The following OR5K1 variants were observed in gnomAD, a reference collection of about 807,000 sequenced individuals.
OR5K1 encodes the protein olfactory receptor 5K1.
A neutral mutation model predicts 10.4 loss-of-function variants in OR5K1; 7 were observed. The ratio of observed to expected loss-of-function variants is 0.67; its 90% CI spans 0.38 to 1.26. OR5K1 has a LOEUF of 1.26. OR5K1 is among the 50% of genes most tolerant of loss of function. The pLI is 0.02. For missense variants in OR5K1, 435 were observed against 366.2 expected (o/e 1.19, Z -1.53); for synonymous variants, 135 against 128.5 (o/e 1.05, Z -0.34).
chr3:98,468,353 A>C (rs1231412045), intron 1 of OR5K1, among the ~76,000 whole-genome samples: 1 of 152,128 alleles, frequency 6.6e-6, no homozygotes, highest in Non-Finnish European at 1.5e-5. Flanking sequence ...TTATCATCTT[A>C]GCCATATTTA....
intron 1 of OR5K1, among the ~76,000 whole-genome samples, chr3:98,468,692 AT>A (rs1286736180): frequency 5.3e-5 from 8 of 152,122 alleles, no homozygotes; most frequent in Admixed American, 2.6e-4. Context: ...CATTATATGT[AT>A]ATACCACCAT....
rs372270718 is a variant in OR5K1, at chr3:98,469,737, G to A, written c.161G>A (p.Arg54Gln). ...GTGGCACTGATATTTACACACCGTCGGCTTCACACACCAATGTACATCTTT... is the reference window on the plus strand; with the variant it reads ...GTGGCACTGATATTTACACACCGTCAGCTTCACACACCAATGTACATCTTT... Reference protein sequence around the residue: ...SLVALIFTHRRLHTPMYIFLG... With the variant: ...SLVALIFTHRQLHTPMYIFLG... Residue 54 changes from arginine to glutamine, a missense_variant, in exon 2 of 2, where the codon CGG becomes CAG. Coordinates refer to ENST00000642057, the MANE Select transcript of OR5K1 (RefSeq NM_001004736.4). 192 of 1,613,706 alleles carry A rather than the reference G, an allele frequency of 1.2e-4. 1 individual carries two copies. The South Asian group carries it at 1.4e-3, about 12-fold the overall frequency.
rs916863610 is a variant in OR5K1 at position 98,468,226 on chromosome 3, C to T, written c.-11-1340C>T. On this transcript the variant is annotated intron_variant, in intron 1 of 1. Transcript: ENST00000642057. ...AAATACCTTAAAAATAGCCTGCTTCCAAAGCATGTTATGTTTAAGTGTACA... is the reference window on the plus strand; with the variant it reads ...AAATACCTTAAAAATAGCCTGCTTCTAAAGCATGTTATGTTTAAGTGTACA... 2.5e-4 allele frequency among the ~76,000 whole-genome samples: 38 copies of T among 151,964 alleles called. 1 individual carries two copies. Among genetic ancestry groups the T allele is most frequent in the Middle Eastern group, 6.3e-3 (2 of 316 alleles).
intron 1 of OR5K1, among the ~76,000 whole-genome samples, chr3:98,469,288 G>A (rs1705412143): frequency 6.6e-6 from 1 of 152,052 alleles, no homozygotes; most frequent in Non-Finnish European, 1.5e-5. Flanking sequence ...ACTTGACAGT[G>A]GAGGGTGGAA....
At position 98,470,246 on chromosome 3, in the gene OR5K1, A is replaced by G. The variant is rs754033762; in HGVS notation, c.670A>G (p.Thr224Ala). The change falls in exon 2 of 2, where the codon ACT becomes GCT. Residue 224 changes from threonine (T) to alanine (A), a missense_variant. Physicochemically the swap from Thr to Ala is moderately conservative, Grantham distance 58. Coordinates refer to ENST00000642057, the MANE Select transcript of OR5K1 (RefSeq NM_001004736.4). ...AATATCTTATCTCTATATTCTTCTT[A>G]CTATTTTCAAAATGAAATCCAAAGA... ...VLISYLYILL[T>A]IFKMKSKEGR... The G allele has an allele frequency of 6.2e-7, 1 of 1,613,124 alleles. No homozygotes were observed. The highest frequency in any genetic ancestry group is 8.5e-7 in the Non-Finnish European group (1 of 1,179,466).
chr3:98,471,166 G>GT lies in OR5K1; in HGVS notation c.*667dup, dbSNP rs1225414518. 6.6e-6 allele frequency: 1 copy of GT among 151,964 alleles called. No homozygotes were observed. The highest frequency in any genetic ancestry group is 1.9e-4 in the East Asian group (1 of 5,176). 9.4% of individuals were successfully genotyped at this position (151,964 alleles called of 1,614,324 possible). A position where few individuals can be genotyped will look rare whatever the true frequency, so the allele number is the denominator to read the frequency against. On this transcript the variant is annotated 3_prime_UTR_variant, in exon 2 of 2. Transcript: ENST00000642057. ...TTTCAAGTCAAGCTACATTAAGAGA[G>GT]TTTTATCTACTCCCATATCTACCTG...
chr3:98,469,689 C>T lies in OR5K1; in HGVS notation c.113C>T (p.Thr38Ile). ...GTGTTCTTTGCCATCTATCTGATCA[C>T]CGTGGTGGGGAATATTAGTTTGGTG... Reference protein sequence around the residue: ...FVVFFAIYLITVVGNISLVAL... With the variant: ...FVVFFAIYLIIVVGNISLVAL... Residue 38 changes from threonine to isoleucine, a missense_variant, in exon 2 of 2, where the codon ACC (threonine) becomes ATC (isoleucine). Transcript: ENST00000642057. 1.2e-6 allele frequency: 2 copies of T among 1,613,722 alleles called. No homozygotes were observed. The highest frequency in any genetic ancestry group is 1.7e-6 in the Non-Finnish European group (2 of 1,179,776).
At chr3:98,465,644 C>A (rs1705362825) in intron 1 of OR5K1, among the ~76,000 whole-genome samples, 1 of 151,900 alleles carries the variant, frequency 6.6e-6, no homozygotes, top group Non-Finnish European at 1.5e-5. Context: ...ATAAATATAG[C>A]CTCATAGCTA....
At chr3:98,467,766 G>A (rs554371485) in intron 1 of OR5K1, among the ~76,000 whole-genome samples, 239 of 137,956 alleles carry the variant, frequency 1.7e-3, no homozygotes, top group African/African-American at 6.5e-3. Flanking sequence ...CTGAGACTTT[G>A]CTGAAGTTGC....
intron 1 of OR5K1, among the ~76,000 whole-genome samples, chr3:98,468,817 C>A (rs1384026824): frequency 6.6e-6 from 1 of 152,074 alleles, no homozygotes; most frequent in African/African-American, 2.4e-5. Flanking sequence ...CATTGTTAAT[C>A]AGTACATATA....
At chr3:98,463,561 G>A (rs576524380) in intron 1 of OR5K1, among the ~76,000 whole-genome samples, 2 of 152,214 alleles carry the variant, frequency 1.3e-5, no homozygotes, top group Non-Finnish European at 2.9e-5. Context: ...AGTAATAACA[G>A]AATACATTAA....
intron 1 of OR5K1, among the ~76,000 whole-genome samples, chr3:98,464,116 A>G (rs1705341801): frequency 6.6e-6 from 1 of 151,866 alleles, no homozygotes; most frequent in Non-Finnish European, 1.5e-5. Flanking sequence ...ATAAATAGCC[A>G]AGCAGGTGGC....
In OR5K1 at chr3:98,472,716, T is replaced by C. The variant is rs1032928169; in HGVS notation, c.*2213T>C. The C allele has an allele frequency of 7.2e-5, 11 of 151,968 alleles. No homozygotes were observed. Among genetic ancestry groups the C allele is most frequent in the Non-Finnish European group, 1.6e-4 (11 of 67,940 alleles). 9.4% of individuals were successfully genotyped at this position (151,968 alleles called of 1,614,324 possible). A position where few individuals can be genotyped will look rare whatever the true frequency, so the allele number is the denominator to read the frequency against. On this transcript the variant is annotated 3_prime_UTR_variant, in exon 2 of 2. Coordinates refer to ENST00000642057, the MANE Select transcript of OR5K1 (RefSeq NM_001004736.4). ...TCAGAAATAAAAAAAAAGTGAGGGA[T>C]AACACTGTTGTATGGCTCTGGCCTC...
At chr3:98,466,066 A>G (rs1705371870) in intron 1 of OR5K1, among the ~76,000 whole-genome samples, 1 of 151,624 alleles carries the variant, frequency 6.6e-6, no homozygotes, top group Non-Finnish European at 1.5e-5. Flanking sequence ...ACCCCACCAC[A>G]GTCCCCAGAG....
intron 1 of OR5K1, 57 bp from the exon 2 acceptor site, chr3:98,469,509 T>G: frequency 6.7e-7 from 1 of 1,502,344 alleles, no homozygotes; most frequent in South Asian, 1.3e-5. Context: ...CAAAGAGACC[T>G]AAATAACTGT....
At chr3:98,468,408 A>G (rs764861761) in intron 1 of OR5K1, among the ~76,000 whole-genome samples, 3 of 152,088 alleles carry the variant, frequency 2.0e-5, no homozygotes, top group Admixed American at 6.6e-5. Context: ...ATGTTGTATT[A>G]ATACAGCCAT....
In OR5K1 at chr3:98,469,565, G is replaced by A. The variant is rs1387746369; in HGVS notation, c.-11-1G>A. On this transcript the variant is annotated splice_acceptor_variant, in intron 1 of 1. Transcript: ENST00000642057. LOFTEE classifies it low-confidence loss of function (5UTR_SPLICE). ...CTTCTTTCTCCACAATTTTTTTTCA[G>A]ACAAGTCAGGAATGGCTGAAGAAAA... The A allele has an allele frequency of 6.3e-7, 1 of 1,591,988 alleles. No homozygotes were observed. Among genetic ancestry groups the A allele is most frequent in the Non-Finnish European group, 8.6e-7 (1 of 1,169,164 alleles).
In OR5K1 at chr3:98,470,088, C is replaced by G; in HGVS notation, c.512C>G (p.Ser171Trp). 2 of 1,613,558 alleles carry G rather than the reference C, an allele frequency of 1.2e-6. No individual in the cohort carries two copies. The highest frequency in any genetic ancestry group is 2.2e-5 in the East Asian group (1 of 44,860). The change falls in exon 2 of 2, where the codon TCG becomes TGG. Residue 171 changes from serine to tryptophan, a missense_variant. Ser to Trp is a radical substitution (Grantham distance 177). Coordinates refer to ENST00000642057, the MANE Select transcript of OR5K1 (RefSeq NM_001004736.4). The stretch of plus-strand genomic sequence containing the variant: ...GTATTTAGGTTAGTTTTCTGTGGAT[C>G]GAATCACATCAACCACTTTTACTGT... ...GLVFRLVFCGSNHINHFYCDI... is the reference protein window; with the variant it reads ...GLVFRLVFCGWNHINHFYCDI...
chr3:98,467,728 T>A (rs1705389705), intron 1 of OR5K1, among the ~76,000 whole-genome samples: 1 of 132,192 alleles, frequency 7.6e-6, no homozygotes, highest in African/African-American at 3.1e-5. Flanking sequence ...TAAGAATGCT[T>A]GTGATTTTTT....
Sources: gnomAD v4.1 joint callset for allele counts (sites outside exome capture counted in the v4.1 genomes callset) on GRCh38, gnomAD v4.1.1 for gene constraint, MANE v1.5 for transcripts, NCBI Gene and HGNC (gene_info 2026-07-23, HGNC 2026-07-21) for gene names.